MDM1: variants seen among roughly 807,000 people sequenced by gnomAD.
MDM1 encodes Mdm1 nuclear protein.
Under a neutral mutation model 89.1 loss-of-function variants are expected in MDM1, and 61 were observed. The ratio of observed to expected loss-of-function variants is 0.68; its 90% confidence interval spans 0.56 to 0.85. The LOEUF (loss-of-function observed/expected upper bound fraction) is 0.85, where lower values mean the gene tolerates loss of function less well. Among genes scored for constraint, MDM1 ranks in the 40% least tolerant of loss-of-function variants. MDM1 has a pLI of 0.00. For synonymous variants in MDM1, 290 were observed against 294.1 expected (o/e 0.99, Z 0.14); for missense variants, 820 against 846.5 (o/e 0.97, Z 0.39).
chr12:68,302,785 C>T lies in MDM1; in HGVS notation c.1837G>A (p.Asp613Asn), dbSNP rs776800683. 4.3e-6 allele frequency: 7 copies of T among 1,610,996 alleles called. No homozygotes were observed. Among genetic ancestry groups the T allele is most frequent in the Non-Finnish European group, 5.9e-6 (7 of 1,179,608 alleles). The change falls in exon 13 of 15, where the codon GAC becomes AAC. Residue 613 changes from aspartate (D) to asparagine (N), a missense_variant. By Grantham distance (23) the Asp-to-Asn change is conservative. Transcript: ENST00000682720. Reference sequence around the variant, plus strand: ...GCCTCAGCAAATTTGTGGATATTGTCTTCAGAATCTTCCCGCAAAGGCAGA... The same window carrying T: ...GCCTCAGCAAATTTGTGGATATTGTTTTCAGAATCTTCCCGCAAAGGCAGA... The part of the protein sequence containing the change: ...DPLPLREDSE[D>N]NIHKFAEATL...
chr12:68,327,475 T>C (rs1173836356), intron 2 of MDM1: 2 of 1,535,844 alleles, frequency 1.3e-6, no homozygotes, highest in Admixed American at 3.9e-5. Context: ...GAGATGTCAC[T>C]GTGCTGGATC....
At chr12:68,304,762 G>A (rs771973099) in intron 12 of MDM1, among the ~76,000 whole-genome samples, 1 of 152,136 alleles carries the variant, frequency 6.6e-6, no homozygotes, top group Non-Finnish European at 1.5e-5. Flanking sequence ...AAGGCCAATA[G>A]GCCTCACTGC....
intron 9 of MDM1, among the ~76,000 whole-genome samples, chr12:68,315,473 A>G (rs1187156779): frequency 6.6e-6 from 1 of 152,226 alleles, no homozygotes; most frequent in African/African-American, 2.4e-5. Flanking sequence ...CTATTAAAAT[A>G]TTCCAAAATG....
intron 4 of MDM1, among the ~76,000 whole-genome samples, chr12:68,323,554 C>A (rs568202193): frequency 6.6e-6 from 1 of 152,114 alleles, no homozygotes; most frequent in South Asian, 2.1e-4. Context: ...TTTTCTTCCT[C>A]CCTGACATGA....
At chr12:68,331,888 A>C (rs1876882356) in intron 1 of MDM1, 2 of 611,214 alleles carry the variant, frequency 3.3e-6, no homozygotes, top group African/African-American at 1.8e-5. Context: ...TTAAATGCTA[A>C]GCTAAATGGG....
intron 12 of MDM1, among the ~76,000 whole-genome samples, chr12:68,311,194 A>G (rs543247095): frequency 8.5e-5 from 13 of 152,286 alleles, no homozygotes; most frequent in African/African-American, 3.1e-4. Context: ...CTATCTGATA[A>G]AAGTATCCTG....
At chr12:68,297,874 G>C (rs1328325639) in intron 13 of MDM1, among the ~76,000 whole-genome samples, 1 of 152,178 alleles carries the variant, frequency 6.6e-6, no homozygotes, top group Non-Finnish European at 1.5e-5. Context: ...ATTAAAAAGA[G>C]CAAAAATCTT....
chr12:68,324,960 C>G, intron 4 of MDM1: 9 of 947,422 alleles, frequency 9.5e-6, no homozygotes, highest in Non-Finnish European at 1.1e-5. Context: ...CTGACAATGC[C>G]TATTACTATT....
chr12:68,327,095 T>C, intron 2 of MDM1, 74 bp from the exon 3 acceptor site: 17 of 1,493,086 alleles, frequency 1.1e-5, no homozygotes, highest in Admixed American at 2.3e-5. Flanking sequence ...AGAACACTTG[T>C]GGAGGAGAAA....
chr12:68,314,099 T>C (rs1449723528), intron 10 of MDM1, among the ~76,000 whole-genome samples: 1 of 139,732 alleles, frequency 7.2e-6, no homozygotes, highest in East Asian at 2.1e-4. Flanking sequence ...ATCGTGCCAC[T>C]GCACTCCAGC....
rs1171816811 is a variant in MDM1, at chr12:68,295,274, TCTC to T, written c.2152_2154del (p.Glu718del). 4.3e-6 allele frequency: 7 copies of T among 1,611,838 alleles called. No individual in the cohort carries two copies. Among genetic ancestry groups the T allele is most frequent in the South Asian group, 1.1e-5 (1 of 90,732 alleles). On this transcript the variant is annotated inframe_deletion, in exon 15 of 15. Coordinates refer to ENST00000682720, the MANE Select transcript of MDM1 (RefSeq NM_001354969.2). ...TAGGTTTATGTTTTACCCCAGAAAT[TCTC>T]CTTCCTTTTCTTAGCTCGTGCCAGA...
chr12:68,331,318 G>T, intron 1 of MDM1, 97 bp from the exon 2 acceptor site: 1 of 759,420 alleles, frequency 1.3e-6, no homozygotes, highest in Non-Finnish European at 2.3e-6. Flanking sequence ...TCCCAAAAGA[G>T]ACTTAAGACT....
At chr12:68,325,306 C>A in intron 4 of MDM1, 135 bp downstream of exon 4, 1 of 1,350,234 alleles carries the variant, frequency 7.4e-7, no homozygotes, top group Non-Finnish European at 9.6e-7. Flanking sequence ...TTTAGCAAAA[C>A]TCTCATTTTG....
chr12:68,323,155 C>A lies in MDM1; in HGVS notation c.719G>T (p.Gly240Val), dbSNP rs968461270. 1.5e-5 allele frequency: 24 copies of A among 1,610,212 alleles called. No homozygotes were observed. The highest frequency in any genetic ancestry group is 2.2e-5 in the East Asian group (1 of 44,646). The change falls in exon 5 of 15, where the codon GGT (glycine) becomes GTT (valine). Residue 240 changes from glycine (G) to valine (V), a missense_variant. Transcript: ENST00000682720. ...TTTTGGTTCTTTCACTGGAGATAAA[C>A]CCTTGAAATTTCTTTTGTATTCAGT... ...HETEYKRNFK[G>V]LSPVKEPKLR... is the part of the protein sequence containing the mutation.
intron 2 of MDM1, among the ~76,000 whole-genome samples, chr12:68,328,053 T>TAA: frequency 6.6e-6 from 1 of 152,292 alleles, no homozygotes; most frequent in East Asian, 1.9e-4. Flanking sequence ...TTTTCCCACT[T>TAA]TAGAGAAGAA....
At chr12:68,299,089 C>T (rs1190429408) in intron 13 of MDM1, among the ~76,000 whole-genome samples, 1 of 151,920 alleles carries the variant, frequency 6.6e-6, no homozygotes, top group East Asian at 1.9e-4. Flanking sequence ...AAATTATAAT[C>T]ATTAAGGTCA....
intron 12 of MDM1, among the ~76,000 whole-genome samples, chr12:68,304,004 T>A (rs1031560631): frequency 1.3e-5 from 2 of 152,074 alleles, no homozygotes; most frequent in African/African-American, 4.8e-5. Flanking sequence ...TTGGGATACT[T>A]GGGTGGCCAA....
At chr12:68,330,924 G>A (rs1876704777) in intron 2 of MDM1, 183 bp downstream of exon 2, 2 of 580,976 alleles carry the variant, frequency 3.4e-6, no homozygotes, top group Non-Finnish European at 6.1e-6. Context: ...GAATAGTCCT[G>A]GCTCATAGTA....
At chr12:68,324,702 G>GA (rs1480893148) in intron 4 of MDM1, among the ~76,000 whole-genome samples, 7 of 152,136 alleles carry the variant, frequency 4.6e-5, no homozygotes, top group Non-Finnish European at 2.9e-5. Flanking sequence ...AAGACCAGAA[G>GA]AAAAAACAGA....
Sources: allele counts gnomAD v4.1 joint callset (sites outside exome capture counted in the v4.1 genomes callset), GRCh38; gene constraint gnomAD v4.1.1; transcripts MANE v1.5; gene names NCBI Gene and HGNC (gene_info 2026-07-23, HGNC 2026-07-21).